CNTN4: variants seen among roughly 807,000 people sequenced by gnomAD.
CNTN4 encodes the protein contactin 4.
A neutral mutation model predicts 122.5 loss-of-function variants in CNTN4; 77 were observed. The ratio of observed to expected loss-of-function variants is 0.63; its 90% CI spans 0.52 to 0.76. The LOEUF (loss-of-function observed/expected upper bound fraction) is 0.76, where lower values mean the gene tolerates loss of function less well. Among genes scored for constraint, CNTN4 ranks in the 30% least tolerant of loss-of-function variants. The pLI is 0.00. For synonymous variants in CNTN4, 512 were observed against 447.0 expected, an observed-to-expected ratio of 1.15 and a Z score of -1.83; for missense variants, 1,256 against 1,259.1, an observed-to-expected ratio of 1.00 and a Z score of 0.04.
chr3:2,304,850 T>A (rs1193875594), intron 2 of CNTN4, among the ~76,000 whole-genome samples: 1 of 151,168 alleles, frequency 6.6e-6, no homozygotes, highest in Non-Finnish European at 1.5e-5. Flanking sequence ...TTTGTAATAA[T>A]CTGGTAAGAT....
intron 7 of CNTN4, among the ~76,000 whole-genome samples, chr3:2,823,356 A>G (rs2092918507): frequency 6.6e-6 from 1 of 152,220 alleles, no homozygotes; most frequent in Non-Finnish European, 1.5e-5. Flanking sequence ...GTGCGGTGTC[A>G]GACCTTCTTA....
chr3:2,957,121 A>G (rs1022706784), intron 13 of CNTN4, among the ~76,000 whole-genome samples: 1 of 152,196 alleles, frequency 6.6e-6, no homozygotes, highest in South Asian at 2.1e-4. Context: ...GCTCTTCAAC[A>G]TACTAATTTC....
At chr3:2,949,294 C>T (rs6442770) in intron 13 of CNTN4, among the ~76,000 whole-genome samples, 12 of 152,178 alleles carry the variant, frequency 7.9e-5, no homozygotes, top group East Asian at 7.7e-4. Context: ...CCAACCAAAA[C>T]GAGTGTGATG....
At chr3:2,208,276 A>C (rs933378887) in intron 2 of CNTN4, among the ~76,000 whole-genome samples, 10 of 152,258 alleles carry the variant, frequency 6.6e-5, no homozygotes, top group African/African-American at 2.4e-4. Context: ...AGTTTGGAAG[A>C]AGTTTATTCT....
intron 2 of CNTN4, among the ~76,000 whole-genome samples, chr3:2,326,289 G>A (rs759890887): frequency 6.6e-6 from 1 of 152,138 alleles, no homozygotes; most frequent in Middle Eastern, 3.4e-3. Context: ...TGAAACATTG[G>A]CTCATCCTAG....
chr3:2,963,439 C>CA (rs1361069656), intron 13 of CNTN4, among the ~76,000 whole-genome samples: 6 of 152,050 alleles, frequency 3.9e-5, no homozygotes, highest in African/African-American at 1.4e-4. Context: ...TGATCTAGCC[C>CA]AAACCTTAGC....
chr3:2,121,708 AAGAG>A (rs771797738), intron 2 of CNTN4, among the ~76,000 whole-genome samples: 11 of 152,156 alleles, frequency 7.2e-5, no homozygotes, highest in Non-Finnish European at 1.3e-4. Flanking sequence ...TGTTGAAATG[AAGAG>A]AAAGAGTTAA....
At chr3:3,024,303 T>C (rs1344185798) in intron 14 of CNTN4, among the ~76,000 whole-genome samples, 1 of 148,780 alleles carries the variant, frequency 6.7e-6, no homozygotes, top group Non-Finnish European at 1.5e-5. Flanking sequence ...TTTAAAAACG[T>C]CAAATGACAT....
intron 6 of CNTN4, among the ~76,000 whole-genome samples, chr3:2,793,422 C>T (rs2092073753): frequency 6.6e-6 from 1 of 152,076 alleles, no homozygotes; most frequent in Admixed American, 6.6e-5. Context: ...CCCACAACCA[C>T]TTGGTTTATT....
intron 4 of CNTN4, among the ~76,000 whole-genome samples, chr3:2,608,250 C>T (rs1208468789): frequency 1.3e-5 from 2 of 152,124 alleles, no homozygotes; most frequent in Non-Finnish European, 2.9e-5. Flanking sequence ...AAGAATTGTC[C>T]CAGGTGCCCA....
At chr3:2,757,556 C>G (rs1003790564) in intron 6 of CNTN4, among the ~76,000 whole-genome samples, 1 of 152,184 alleles carries the variant, frequency 6.6e-6, no homozygotes, top group Non-Finnish European at 1.5e-5. Flanking sequence ...TATGACATTT[C>G]TAGCCCCAGA....
chr3:2,705,615 AT>A lies in CNTN4; in HGVS notation c.56-30599del, dbSNP rs2086640036. On this transcript the variant is annotated intron_variant, in intron 4 of 24. Coordinates refer to ENST00000418658, the MANE Select transcript of CNTN4 (RefSeq NM_175607.3). ...AAATTTATATAAATTTTATATATTT[AT>A]ATATAATATATAAATATATATATTA... is the stretch of plus-strand genomic sequence containing the variant. Among the ~76,000 whole-genome samples the A allele has an allele frequency of 5.7e-5, 5 of 87,500 alleles. No homozygotes were observed. In the Admixed American group the frequency reaches 6.3e-4, roughly 11 times the overall value. The allele number at this position is 87,500 out of a possible 152,430, so 57.4% of individuals were successfully genotyped here.
chr3:2,752,018 T>C (rs1395927260), intron 6 of CNTN4, among the ~76,000 whole-genome samples: 1 of 152,178 alleles, frequency 6.6e-6, no homozygotes, highest in Admixed American at 6.5e-5. Context: ...CAAGATTACA[T>C]TGTAAAGCAT....
chr3:2,231,886 T>C (rs572955315), intron 2 of CNTN4, among the ~76,000 whole-genome samples: 71 of 152,232 alleles, frequency 4.7e-4, no homozygotes, highest in African/African-American at 1.6e-3. Flanking sequence ...TATTTTTTCT[T>C]AGCCTTTTAG....
At chr3:3,006,111 T>C (rs1052405298) in intron 14 of CNTN4, among the ~76,000 whole-genome samples, 13 of 151,970 alleles carry the variant, frequency 8.6e-5, no homozygotes, top group Non-Finnish European at 1.2e-4. Flanking sequence ...CTCCTGACCT[T>C]GTGATCCGCC....
At chr3:2,398,553 A>G (rs1027318874) in intron 3 of CNTN4, among the ~76,000 whole-genome samples, 2 of 152,168 alleles carry the variant, frequency 1.3e-5, no homozygotes, top group Non-Finnish European at 2.9e-5. Context: ...TGTAGAAGTA[A>G]GTTTACTATG....
chr3:2,694,200 A>G (rs979199391), intron 4 of CNTN4, among the ~76,000 whole-genome samples: 1 of 152,154 alleles, frequency 6.6e-6, no homozygotes, highest in Non-Finnish European at 1.5e-5. Flanking sequence ...CATCTTGTCT[A>G]AAAACTCCCA....
intron 2 of CNTN4, among the ~76,000 whole-genome samples, chr3:2,154,829 C>T (rs1467461183): frequency 6.6e-6 from 1 of 152,196 alleles, no homozygotes; most frequent in African/African-American, 2.4e-5. Context: ...TTTAATCATC[C>T]TCTGTGTGAT....
At chr3:2,120,828 A>G (rs549261756) in intron 2 of CNTN4, among the ~76,000 whole-genome samples, 79 of 152,314 alleles carry the variant, frequency 5.2e-4, no homozygotes, top group Admixed American at 1.1e-3. Context: ...AATTTTAATC[A>G]TAATGAGTAA....
Sources: gnomAD v4.1 joint callset for allele counts (sites outside exome capture counted in the v4.1 genomes callset) on GRCh38, gnomAD v4.1.1 for gene constraint, MANE v1.5 for transcripts, NCBI Gene and HGNC (gene_info 2026-07-23, HGNC 2026-07-21) for gene names.